The following SLC37A2 variants were observed in gnomAD, a reference collection of about 807,000 sequenced individuals.
SLC37A2 encodes glucose-6-phosphate exchanger SLC37A2.
In SLC37A2, 59 loss-of-function variants were observed where a neutral mutation model predicts 70.7. That is an observed-to-expected ratio of 0.83 (90% CI 0.68 to 1.04). The LOEUF is 1.04. Ranked by LOEUF, SLC37A2 falls within the 50% of genes least tolerant of loss-of-function variation. The pLI, the probability that SLC37A2 is intolerant of heterozygous loss-of-function variation, is 0.00. For synonymous variants in SLC37A2, 257 were observed against 262.1 expected (o/e 0.98, Z 0.19); for missense variants, 580 against 658.1 (o/e 0.88, Z 1.30).
At chr11:125,081,719 A>T (rs1394064060) in intron 8 of SLC37A2, 35 bp from the exon 9 acceptor site, 1 of 1,534,996 alleles carries the variant, frequency 6.5e-7, no homozygotes. Flanking sequence ...CAGCACATGG[A>T]CGCACCCACA....
Position 125,081,439 on chromosome 11 carries a change from G to A in SLC37A2, c.713G>A (p.Cys238Tyr). The change falls in exon 8 of 18, where the codon TGC (cysteine) becomes TAC (tyrosine). Residue 238 changes from cysteine to tyrosine, a missense_variant. By Grantham distance (194) the Cys-to-Tyr change is radical (BLOSUM62 -2). Transcript: ENST00000403796. ...TTTCTAGACCCAGAAGATGTGGACTGCGCCCCTCCTCAGCACCACGTGAGT... is the reference window on the plus strand; with the variant it reads ...TTTCTAGACCCAGAAGATGTGGACTACGCCCCTCCTCAGCACCACGTGAGT... The part of the protein sequence containing the change: ...FLIEHPEDVD[C>Y]APPQHHGEPA... 1 of 1,609,170 alleles carries A rather than the reference G, an allele frequency of 6.2e-7. No homozygotes were observed. Among genetic ancestry groups the A allele is most frequent in the Non-Finnish European group, 8.5e-7 (1 of 1,177,422 alleles).
rs1949134170 is a variant in SLC37A2 at position 125,080,471 on chromosome 11, G to C, written c.528-143G>C. ...CATCCAAGGTCTCCCACTCCTTGCT[G>C]ACTTGGGGCTTTGGGGCTGTCTTTG... On this transcript the variant is annotated intron_variant, in intron 6 of 17. Coordinates refer to ENST00000403796, the MANE Select transcript of SLC37A2 (RefSeq NM_001145290.2). The surrounding 1 kb of genome is among the most constrained non-coding windows in gnomAD (Gnocchi z 4.3). The C allele has an allele frequency of 1.4e-6, 1 of 700,812 alleles. No homozygotes were observed. The highest frequency in any genetic ancestry group is 1.9e-5 in the African/African-American group (1 of 53,886). The allele number at this position is 700,812 out of a possible 1,614,324, so 43.4% of individuals were successfully genotyped here.
chr11:125,080,542 G>A lies in SLC37A2; in HGVS notation c.528-72G>A, dbSNP rs1171485429. 7.5e-7 allele frequency: 1 copy of A among 1,339,446 alleles called. No individual in the cohort carries two copies. The highest frequency in any genetic ancestry group is 9.8e-7 in the Non-Finnish European group (1 of 1,024,164). 83.0% of individuals were successfully genotyped at this position (1,339,446 alleles called of 1,614,324 possible). A position where few individuals can be genotyped will look rare whatever the true frequency, so the allele number is the denominator to read the frequency against. Reference sequence around the variant, plus strand: ...TCAGCCCAGCTTTAGAGCTTGGCTGGGGCAGTTGCTATGAACAATGTGCTT... The same window carrying A: ...TCAGCCCAGCTTTAGAGCTTGGCTGAGGCAGTTGCTATGAACAATGTGCTT... On this transcript the variant is annotated intron_variant, in intron 6 of 17. Transcript: ENST00000403796. The surrounding 1 kb of genome is among the most constrained non-coding windows in gnomAD (Gnocchi z 4.3).
At position 125,077,436 on chromosome 11, in the gene SLC37A2, C is replaced by T. The variant is rs1357561944; in HGVS notation, c.236-14C>T. 1 of 1,612,144 alleles carries T rather than the reference C, an allele frequency of 6.2e-7. No individual in the cohort carries two copies. Among genetic ancestry groups the T allele is most frequent in the Admixed American group, 1.7e-5 (1 of 59,850 alleles). ...CCACGCAGTCAGCTTTCTGTTTCTC[C>T]CATCTGCTTTCAGACAAGGACAACT... is the stretch of plus-strand genomic sequence containing the variant. On this transcript the variant is annotated splice_polypyrimidine_tract_variant and intron_variant, in intron 3 of 17. Coordinates refer to ENST00000403796, the MANE Select transcript of SLC37A2 (RefSeq NM_001145290.2).
intron 1 of SLC37A2, among the ~76,000 whole-genome samples, chr11:125,073,305 CT>C (rs2135563810): frequency 6.6e-6 from 1 of 152,378 alleles, no homozygotes; most frequent in Admixed American, 6.5e-5. Flanking sequence ...GCTCCAGGAG[CT>C]TCAGGGCATC....
chr11:125,071,366 C>A (rs1160157335), intron 1 of SLC37A2, among the ~76,000 whole-genome samples: 2 of 152,214 alleles, frequency 1.3e-5, no homozygotes, highest in African/African-American at 4.8e-5. Context: ...ACCAACACTC[C>A]CACCCTCCCT....
Position 125,090,473 on chromosome 11 carries a change from G to A in SLC37A2, c.*2339G>A, listed in dbSNP as rs936903056. ...GCAACTCGCTCGGGTCCCCTTCCACGCTGTGGGAGCTTTGTTCTTTGCAAT... is the reference window on the plus strand; with the variant it reads ...GCAACTCGCTCGGGTCCCCTTCCACACTGTGGGAGCTTTGTTCTTTGCAAT... On this transcript the variant is annotated 3_prime_UTR_variant, in exon 18 of 18. Coordinates refer to ENST00000403796, the MANE Select transcript of SLC37A2 (RefSeq NM_001145290.2). Among the ~76,000 whole-genome samples the A allele has an allele frequency of 1.3e-5, 2 of 152,306 alleles. No homozygotes were observed. Among genetic ancestry groups the A allele is most frequent in the South Asian group, 2.1e-4 (1 of 4,820 alleles).
At chr11:125,084,958 G>A in intron 13 of SLC37A2, 85 bp downstream of exon 13, 1 of 1,595,910 alleles carries the variant, frequency 6.3e-7, no homozygotes, top group Non-Finnish European at 8.6e-7. Context: ...GGGGGGCACT[G>A]ACAGGTGGAG....
In SLC37A2 at chr11:125,085,645, C is replaced by T; in HGVS notation, c.1396C>T (p.Leu466Phe). The T allele has an allele frequency of 6.2e-7, 1 of 1,613,598 alleles. No individual in the cohort carries two copies. The highest frequency in any genetic ancestry group is 8.5e-7 in the Non-Finnish European group (1 of 1,180,022). ...GGGCTGGAACAATGTCTTCTACATG[C>T]TCATCTCTGCCGACGTCCTAGCCTG... ...PTGWNNVFYM[L>F]ISADVLACLL... Residue 466 changes from leucine to phenylalanine, a missense_variant, in exon 16 of 18, where the codon CTC becomes TTC. Transcript: ENST00000403796.
In SLC37A2 at chr11:125,084,350, T is replaced by G. The variant is rs1270695532; in HGVS notation, c.1125+31T>G. ...TATAACCCCGAGGGTGAAGTGCGAA[T>G]GCATGTGAGCAGGAGCCTGTGTGGG... On this transcript the variant is annotated intron_variant, in intron 12 of 17. Transcript: ENST00000403796. 4 of 1,609,154 alleles carry G rather than the reference T, an allele frequency of 2.5e-6. No homozygotes were observed. In the African/African-American group the frequency reaches 5.3e-5, roughly 21 times the overall value.
chr11:125,064,949 T>A (rs925437305), intron 1 of SLC37A2, among the ~76,000 whole-genome samples: 1 of 152,246 alleles, frequency 6.6e-6, no homozygotes, highest in African/African-American at 2.4e-5. Flanking sequence ...AAATTTATGT[T>A]ATGTATATTT....
rs1435114606 is a variant in SLC37A2 at position 125,088,727 on chromosome 11, G to C, written c.*593G>C. ...GGGCCAGCACTCGGGCGAGGCAGGGGAGCTGCCTTCGGTACATAATTTGAA... is the reference window on the plus strand; with the variant it reads ...GGGCCAGCACTCGGGCGAGGCAGGGCAGCTGCCTTCGGTACATAATTTGAA... On this transcript the variant is annotated 3_prime_UTR_variant, in exon 18 of 18. Transcript: ENST00000403796. 2 of 152,474 alleles carry C rather than the reference G, an allele frequency of 1.3e-5. No homozygotes were observed. The highest frequency in any genetic ancestry group is 4.8e-5 in the African/African-American group (2 of 41,460). The allele number at this position is 152,474 out of a possible 1,614,324, so 9.4% of individuals were successfully genotyped here. A position where few individuals can be genotyped will look rare whatever the true frequency, so the allele number is the denominator to read the frequency against.
rs2135555064 is a variant in SLC37A2, at chr11:125,063,459, A to T, written c.59+33A>T. On this transcript the variant is annotated intron_variant, in intron 1 of 17. Transcript: ENST00000403796. The surrounding 1 kb of genome is among the most constrained non-coding windows in gnomAD (Gnocchi z 5.4). ...GGGCAGGGGAGGGAGGCGTGCCGGG[A>T]CCTCCTGGGCTCGGGGCTTGCAGGG... 4.4e-6 allele frequency: 7 copies of T among 1,594,410 alleles called. No individual in the cohort carries two copies. The East Asian group carries it at 1.6e-4, about 36-fold the overall frequency.
intron 14 of SLC37A2, 55 bp downstream of exon 14, chr11:125,085,194 C>A: frequency 1.3e-6 from 2 of 1,524,016 alleles, no homozygotes; most frequent in Non-Finnish European, 1.8e-6. Flanking sequence ...TTGGTCAGGG[C>A]CACCATCTCC....
chr11:125,088,102 C>G lies in SLC37A2; in HGVS notation c.1491-17C>G, dbSNP rs1565401533. Reference sequence around the variant, plus strand: ...CATCTCACTTTCTCTTCTGTCCCCCCTCTCCTCTTCATGCAGGTATAAAGA... The same window carrying G: ...CATCTCACTTTCTCTTCTGTCCCCCGTCTCCTCTTCATGCAGGTATAAAGA... On this transcript the variant is annotated splice_polypyrimidine_tract_variant and intron_variant, in intron 17 of 17. Transcript: ENST00000403796. 1.9e-6 allele frequency: 3 copies of G among 1,551,906 alleles called. No homozygotes were observed. The highest frequency in any genetic ancestry group is 2.6e-6 in the Non-Finnish European group (3 of 1,147,026).
chr11:125,080,382 C>T lies in SLC37A2; in HGVS notation c.528-232C>T, dbSNP rs1949133465. Among the ~76,000 whole-genome samples the T allele has an allele frequency of 6.6e-6, 1 of 152,218 alleles. No homozygotes were observed. Among genetic ancestry groups the T allele is most frequent in the Admixed American group, 6.5e-5 (1 of 15,276 alleles). On this transcript the variant is annotated intron_variant, in intron 6 of 17. Transcript: ENST00000403796. The surrounding 1 kb of genome is among the most constrained non-coding windows in gnomAD (Gnocchi z 4.3). Reference sequence around the variant, plus strand: ...TCAGTGTGGCTAGAGCTCCCATCGGCACTCACTCAGGGAGCTGGGCAGGCG... The same window carrying T: ...TCAGTGTGGCTAGAGCTCCCATCGGTACTCACTCAGGGAGCTGGGCAGGCG...
At chr11:125,074,582 G>T (rs73024307) in intron 1 of SLC37A2, among the ~76,000 whole-genome samples, 6 of 151,656 alleles carry the variant, frequency 4.0e-5, no homozygotes, top group African/African-American at 1.5e-4. Flanking sequence ...CAGGGGAGTC[G>T]GGGAGGGCGG....
chr11:125,082,158 G>A (rs1949157786), intron 9 of SLC37A2, 86 bp from the exon 10 acceptor site: 1 of 1,300,078 alleles, frequency 7.7e-7, no homozygotes, highest in South Asian at 1.2e-5. Flanking sequence ...GGAAAGTACT[G>A]GGGTGGTGCT....
chr11:125,080,643 C>T lies in SLC37A2; in HGVS notation c.557C>T (p.Ser186Phe). Residue 186 changes from serine to phenylalanine, a missense_variant, in exon 7 of 18, where the codon TCC becomes TTC. By Grantham distance (155) the Ser-to-Phe change is radical. Coordinates refer to ENST00000403796, the MANE Select transcript of SLC37A2 (RefSeq NM_001145290.2). This position sits in a 1 kb window ranked among gnomAD's most constrained non-coding sequence, Gnocchi z 4.3. ...GGGTTCATCATGGGCATCTGGAATT[C>T]CCACACATCTGTGGGCAACATCCTG... ...KRGFIMGIWN[S>F]HTSVGNILGS... 1 of 1,533,920 alleles carries T rather than the reference C, an allele frequency of 6.5e-7. No homozygotes were observed. Among genetic ancestry groups the T allele is most frequent in the Non-Finnish European group, 8.8e-7 (1 of 1,138,202 alleles).
Sources: allele counts gnomAD v4.1 joint callset (sites outside exome capture counted in the v4.1 genomes callset), GRCh38; gene constraint gnomAD v4.1.1; non-coding constraint Gnocchi (gnomAD v3.1); transcripts MANE v1.5; gene names NCBI Gene and HGNC (gene_info 2026-07-23, HGNC 2026-07-21).